Variants in DPP6 observed in about 807,000 individuals in gnomAD.
The protein encoded by DPP6 is dipeptidyl peptidase like 6.
A neutral mutation model predicts 122.6 loss-of-function variants in DPP6; 69 were observed. The observed-to-expected ratio is 0.56, with a 90% CI of 0.46 to 0.69. DPP6 has a LOEUF of 0.69. Among genes scored for constraint, DPP6 ranks in the 30% least tolerant of loss-of-function variants. The probability of loss-of-function intolerance (pLI) is 0.00; values close to 1 mark genes in which losing one functional copy is unlikely to be tolerated. For missense variants in DPP6, 928 were observed against 1,116.9 expected, an observed-to-expected ratio of 0.83 and a Z score of 2.41; for synonymous variants, 418 against 433.1, an observed-to-expected ratio of 0.97 and a Z score of 0.43.
intron 6 of DPP6, among the ~76,000 whole-genome samples, chr7:154,661,678 G>T (rs11978685): frequency 7.3e-6 from 1 of 136,230 alleles, no homozygotes; most frequent in African/African-American, 3.0e-5. Flanking sequence ...GCATATTGGC[G>T]CTAGTATTCA....
At chr7:154,317,744 G>A (rs188758159) in intron 1 of DPP6, among the ~76,000 whole-genome samples, 82 of 152,306 alleles carry the variant, frequency 5.4e-4, no homozygotes, top group African/African-American at 1.9e-3. Context: ...TAACATCTCT[G>A]CTGAAAATTT....
At chr7:154,493,973 A>AC (rs1824506385) in intron 3 of DPP6, among the ~76,000 whole-genome samples, 1 of 151,998 alleles carries the variant, frequency 6.6e-6, no homozygotes, top group Non-Finnish European at 1.5e-5. Flanking sequence ...AAGTAAGAGG[A>AC]CCATCTGATA....
At chr7:154,475,203 T>A (rs1822624172) in intron 3 of DPP6, 166 bp downstream of exon 3, 2 of 654,998 alleles carry the variant, frequency 3.1e-6, no homozygotes, top group Non-Finnish European at 5.6e-6. Flanking sequence ...TCTATGAAAA[T>A]GTGTATCTGG....
At chr7:154,061,873 C>T (rs376849207) in intron 1 of DPP6, among the ~76,000 whole-genome samples, 4,732 of 130,172 alleles carry the variant, frequency 0.036, 433 homozygotes, top group South Asian at 0.069. Context: ...AGGCACCCCC[C>T]GCGAGGCAGG....
In DPP6 at chr7:153,960,718, C is replaced by CGTGTGTGTGAATGTGTGTGCATGCGTGT. The variant is rs1795312804; in HGVS notation, c.51+72993_51+72994insAATGTGTGTGCATGCGTGTGTGTGTGTG. Among the ~76,000 whole-genome samples, 38 of 147,358 alleles carry CGTGTGTGTGAATGTGTGTGCATGCGTGT rather than the reference C, an allele frequency of 2.6e-4. No individual in the cohort carries two copies. In the South Asian group the frequency reaches 2.7e-3, roughly 10 times the overall value. ...ATGTGTGTGTGAATGTGTGTGCATG[C>CGTGTGTGTGAATGTGTGTGCATGCGTGT]GTGTGTGTGTGTGCATATTTGTGTG... is the stretch of plus-strand genomic sequence containing the variant. On this transcript the variant is annotated intron_variant, in intron 1 of 25. Coordinates refer to the DPP6 transcript ENST00000404039.
intron 1 of DPP6, among the ~76,000 whole-genome samples, chr7:154,156,509 C>A (rs1000536730): frequency 6.6e-6 from 1 of 152,186 alleles, no homozygotes; most frequent in African/African-American, 2.4e-5. Context: ...TGGAGTTGAT[C>A]TTTATTGGAT....
chr7:154,019,346 T>C (rs1798584331), intron 1 of DPP6, among the ~76,000 whole-genome samples: 1 of 152,136 alleles, frequency 6.6e-6, no homozygotes, highest in Non-Finnish European at 1.5e-5. Flanking sequence ...TCTTCCTTTT[T>C]CTTTTCTTTT....
chr7:154,805,841 G>A (rs997950683), intron 15 of DPP6, among the ~76,000 whole-genome samples: 15 of 152,286 alleles, frequency 9.8e-5, no homozygotes, highest in Admixed American at 5.2e-4. Context: ...TGCCTCCCCC[G>A]TGCCTCTGCA....
At chr7:154,046,618 G>C (rs1170754452) in intron 1 of DPP6, among the ~76,000 whole-genome samples, 2 of 152,240 alleles carry the variant, frequency 1.3e-5, no homozygotes, top group African/African-American at 4.8e-5. Context: ...TGAAAAGGGG[G>C]TTTGTCACGT....
chr7:154,547,805 C>A (rs1394440009), intron 4 of DPP6, among the ~76,000 whole-genome samples: 1 of 152,140 alleles, frequency 6.6e-6, no homozygotes, highest in East Asian at 1.9e-4. Flanking sequence ...ACTTTTCTCT[C>A]TCCTGCCTTT....
intron 5 of DPP6, among the ~76,000 whole-genome samples, chr7:154,630,041 C>T (rs1215544574): frequency 6.6e-6 from 1 of 152,184 alleles, no homozygotes. Context: ...TGAATTTCCT[C>T]ACAACCCTTA....
At chr7:154,402,523 T>G (rs1344492758) in intron 1 of DPP6, among the ~76,000 whole-genome samples, 3 of 147,998 alleles carry the variant, frequency 2.0e-5, no homozygotes, top group East Asian at 4.0e-4. Flanking sequence ...CCGCATATTC[T>G]CACTCATAGG....
intron 8 of DPP6, among the ~76,000 whole-genome samples, chr7:154,768,956 G>A (rs550913210): frequency 2.6e-5 from 4 of 152,144 alleles, no homozygotes; most frequent in African/African-American, 4.8e-5. Context: ...GCTTTTGGGC[G>A]ACTCAGCCTC....
rs1276382319 is a variant in DPP6, at chr7:154,601,031, C to T, written c.627+34115C>T. Among the ~76,000 whole-genome samples the T allele has an allele frequency of 5.8e-5, 7 of 120,114 alleles. 2 individuals carry two copies. The highest frequency in any genetic ancestry group is 7.9e-5 in the African/African-American group (3 of 37,766). The allele number at this position is 120,114 out of a possible 152,430, so 78.8% of individuals were successfully genotyped here. On this transcript the variant is annotated intron_variant, in intron 5 of 25. Coordinates refer to ENST00000377770, the MANE Select transcript of DPP6 (RefSeq NM_130797.4). Reference sequence around the variant, plus strand: ...GCTTGAACCCTGGAGGCGGAGGTTGCGGTGAGCCATTGGACTCCAGCCTGG... The same window carrying T: ...GCTTGAACCCTGGAGGCGGAGGTTGTGGTGAGCCATTGGACTCCAGCCTGG...
the DPP6 span, among the ~76,000 whole-genome samples, chr7:153,866,363 T>C: frequency 6.6e-6 from 1 of 152,230 alleles, no homozygotes; most frequent in Non-Finnish European, 1.5e-5. Flanking sequence ...TGTGAGATGG[T>C]ATCTCATTGT....
chr7:154,419,616 C>T (rs1241399513), intron 1 of DPP6, among the ~76,000 whole-genome samples: 1 of 152,170 alleles, frequency 6.6e-6, no homozygotes, highest in East Asian at 1.9e-4. Context: ...CTTTCCTTCT[C>T]TTGAAGGGGT....
In DPP6 at chr7:154,833,213, C is replaced by T. The variant is rs1800768160; in HGVS notation, c.1667-20567C>T. 2.6e-5 allele frequency among the ~76,000 whole-genome samples: 4 copies of T among 152,266 alleles called. No homozygotes were observed. The South Asian group carries it at 6.2e-4, about 24-fold the overall frequency. On this transcript the variant is annotated intron_variant, in intron 16 of 25. Coordinates refer to ENST00000377770, the MANE Select transcript of DPP6 (RefSeq NM_130797.4). This position sits in a 1 kb window ranked among gnomAD's most constrained non-coding sequence, Gnocchi z 4.3. Reference sequence around the variant, plus strand: ...GAGCAGTGCAGAAGAGTGAGGGTCCCGGGGTCCCAGTGCCCTGCCAGCATA... The same window carrying T: ...GAGCAGTGCAGAAGAGTGAGGGTCCTGGGGTCCCAGTGCCCTGCCAGCATA...
the DPP6 span, among the ~76,000 whole-genome samples, chr7:153,815,658 G>A: frequency 1.1e-4 from 16 of 151,978 alleles, no homozygotes; most frequent in African/African-American, 3.1e-4. Context: ...AAACTCCCAA[G>A]AAGTTAGTCC....
intron 1 of DPP6, among the ~76,000 whole-genome samples, chr7:153,984,776 T>C (rs951898731): frequency 4.6e-5 from 7 of 152,218 alleles, no homozygotes; most frequent in Non-Finnish European, 8.8e-5. Flanking sequence ...ACTTTTTATA[T>C]GTGGAGTGCT....
Sources: allele counts gnomAD v4.1 joint callset (sites outside exome capture counted in the v4.1 genomes callset), GRCh38; gene constraint gnomAD v4.1.1; non-coding constraint Gnocchi (gnomAD v3.1); transcripts MANE v1.5; gene names NCBI Gene and HGNC (gene_info 2026-07-23, HGNC 2026-07-21).